Variants in MFHAS1 observed in about 807,000 individuals in gnomAD.
MFHAS1 encodes the protein multifunctional ROCO family signaling regulator 1, also known as malignant fibrous histiocytoma-amplified sequence 1.
MFHAS1 carries 50 observed loss-of-function variants against 70.4 expected under a neutral mutation model. That is an observed-to-expected ratio of 0.71 (90% confidence interval 0.57 to 0.90). The LOEUF (loss-of-function observed/expected upper bound fraction) is 0.90. Ranked by LOEUF, MFHAS1 falls within the 40% of genes least tolerant of loss-of-function variation. The pLI, the probability that MFHAS1 is intolerant of heterozygous loss-of-function variation, is 0.00. For missense variants in MFHAS1, 1,795 were observed against 1,347.6 expected, an observed-to-expected ratio of 1.33 and a Z score of -5.20; for synonymous variants, 952 against 620.0, an observed-to-expected ratio of 1.54 and a Z score of -7.96.
At position 8,788,592 on chromosome 8, in the gene MFHAS1, T is replaced by C. The variant is rs185551199; in HGVS notation, c.3126-2537A>G. ...TACTCGGGGGGCTGAGGCAGGATAA[T>C]TGCTTGAACCCAGGAGGCGGAGGGT... On this transcript the variant is annotated intron_variant, in intron 2 of 2. Transcript: ENST00000276282. Among the ~76,000 whole-genome samples the C allele has an allele frequency of 4.4e-3, 670 of 152,254 alleles. 4 individuals are homozygous for C. Among genetic ancestry groups the C allele is most frequent in the African/African-American group, 0.014 (594 of 41,540 alleles).
chr8:8,803,735 G>T (rs1314673186), intron 1 of MFHAS1, among the ~76,000 whole-genome samples: 11 of 151,942 alleles, frequency 7.2e-5, no homozygotes, highest in Non-Finnish European at 1.5e-4. Context: ...ACTTTGGGAG[G>T]CCGAGGCAGG....
In MFHAS1 at chr8:8,786,012, G is replaced by A; in HGVS notation, c.*10C>T. On this transcript the variant is annotated 3_prime_UTR_variant, in exon 3 of 3. Transcript: ENST00000276282. ...CTCTTTTCTCCATGGAAATTCCACA[G>A]CCACAAACGTCACTGGTTTCTGTGC... 2 of 1,613,976 alleles carry A rather than the reference G, an allele frequency of 1.2e-6. No homozygotes were observed. Among genetic ancestry groups the A allele is most frequent in the African/African-American group, 1.3e-5 (1 of 75,016 alleles).
intron 2 of MFHAS1, among the ~76,000 whole-genome samples, chr8:8,795,874 T>C (rs905200178): frequency 1.3e-5 from 2 of 152,202 alleles, no homozygotes; most frequent in African/African-American, 2.4e-5. Context: ...GATTCATACA[T>C]AATTTTTTCA....
chr8:8,850,704 G>A (rs1331195391), intron 1 of MFHAS1, among the ~76,000 whole-genome samples: 4 of 151,130 alleles, frequency 2.6e-5, no homozygotes, highest in East Asian at 1.9e-4. Flanking sequence ...GCTTGGTGGC[G>A]CACACCTATA....
At chr8:8,790,484 A>G (rs1195865712) in intron 2 of MFHAS1, 25 of 533,806 alleles carry the variant, frequency 4.7e-5, no homozygotes, top group Admixed American at 6.4e-5. Flanking sequence ...ACGGGAGACT[A>G]AATAATTAAA....
intron 1 of MFHAS1, among the ~76,000 whole-genome samples, chr8:8,878,671 G>GA (rs200980664): frequency 0.048 from 6,405 of 134,218 alleles, 207 homozygotes; most frequent in African/African-American, 0.082. Flanking sequence ...TTCAAAAAAA[G>GA]AAAAAAAAAA....
intron 1 of MFHAS1, among the ~76,000 whole-genome samples, chr8:8,813,745 A>G (rs144353047): frequency 8.5e-4 from 129 of 152,282 alleles, no homozygotes; most frequent in African/African-American, 3.0e-3. Context: ...ACAGTAAGCT[A>G]AGGTTAATTT....
intron 1 of MFHAS1, among the ~76,000 whole-genome samples, chr8:8,880,884 C>T (rs1303308426): frequency 2.0e-5 from 3 of 152,024 alleles, no homozygotes; most frequent in African/African-American, 7.3e-5. Context: ...GAGGGTTCAC[C>T]GCATTGGCCA....
intron 1 of MFHAS1, among the ~76,000 whole-genome samples, chr8:8,859,109 T>G (rs552834354): frequency 1.3e-5 from 2 of 152,260 alleles, no homozygotes; most frequent in South Asian, 4.1e-4. Context: ...TCCCAAAACT[T>G]TGGGAGGCTG....
At chr8:8,789,914 C>A (rs1189496201) in intron 2 of MFHAS1, among the ~76,000 whole-genome samples, 8 of 152,108 alleles carry the variant, frequency 5.3e-5, no homozygotes, top group Non-Finnish European at 2.9e-5. Flanking sequence ...CCTAGACCTG[C>A]CTACCCGGCC....
chr8:8,890,698 C>A lies in MFHAS1; in HGVS notation c.2361G>T (p.Gln787His). 1.9e-6 allele frequency: 3 copies of A among 1,613,608 alleles called. No homozygotes were observed. The South Asian group carries it at 3.3e-5, about 18-fold the overall frequency. Residue 787 changes from glutamine (Q) to histidine (H), a missense_variant, in exon 1 of 3, where the codon CAG (glutamine) becomes CAT (histidine). Gln to His is a conservative substitution (Grantham distance 24). Coordinates refer to ENST00000276282, the MANE Select transcript of MFHAS1 (RefSeq NM_004225.3). ...CATGCAACAGAAAGCCCTCCACATA[C>A]TGATGGAGCTGGGTGGCCCGGAGCA... ...QELLRATQLH[Q>H]YVEGFLLHGL...
chr8:8,884,691 A>G (rs749510398), intron 1 of MFHAS1, among the ~76,000 whole-genome samples: 2 of 152,202 alleles, frequency 1.3e-5, no homozygotes, highest in Admixed American at 6.5e-5. Flanking sequence ...CAGGCAGGGC[A>G]TGGTGGCTCA....
At chr8:8,800,842 TC>T (rs1806060463) in intron 1 of MFHAS1, among the ~76,000 whole-genome samples, 1 of 151,764 alleles carries the variant, frequency 6.6e-6, no homozygotes, top group Non-Finnish European at 1.5e-5. Flanking sequence ...TCAGCACCCA[TC>T]CCTGGCACCA....
intron 1 of MFHAS1, among the ~76,000 whole-genome samples, chr8:8,880,684 G>GTTT (rs869117025): frequency 8.7e-6 from 1 of 114,884 alleles, no homozygotes; most frequent in African/African-American, 4.5e-5. Context: ...TTCCTTTTTT[G>GTTT]TTTTTTTTTT....
chr8:8,831,030 C>G lies in MFHAS1; in HGVS notation c.2999-33539G>C, dbSNP rs117283005. ...AATGTAGTTTCTCACAGTCCAGAGGCTGGGAGGTCCAAGATCAGGGTGCCT... is the reference window on the plus strand; with the variant it reads ...AATGTAGTTTCTCACAGTCCAGAGGGTGGGAGGTCCAAGATCAGGGTGCCT... On this transcript the variant is annotated intron_variant, in intron 1 of 2. Coordinates refer to ENST00000276282, the MANE Select transcript of MFHAS1 (RefSeq NM_004225.3). Among the ~76,000 whole-genome samples the G allele has an allele frequency of 7.4e-4, 113 of 152,218 alleles. 1 individual carries two copies. The East Asian group carries it at 0.016, about 21-fold the overall frequency.
chr8:8,830,929 G>T (rs1477908447), intron 1 of MFHAS1, among the ~76,000 whole-genome samples: 2 of 152,148 alleles, frequency 1.3e-5, no homozygotes, highest in African/African-American at 4.8e-5. Flanking sequence ...TTCCTTTAAA[G>T]TCAGCTTGCT....
intron 1 of MFHAS1, among the ~76,000 whole-genome samples, chr8:8,799,091 CA>C (rs1806000329): frequency 6.6e-6 from 1 of 151,664 alleles, no homozygotes; most frequent in African/African-American, 2.4e-5. Flanking sequence ...CTAGAGACTC[CA>C]AAGAAGAGCA....
Position 8,860,156 on chromosome 8 carries a change from G to C in MFHAS1, c.2998+29905C>G, listed in dbSNP as rs545308773. On this transcript the variant is annotated intron_variant, in intron 1 of 2. Transcript: ENST00000276282. ...CATCAAGAGTCAAGGTACGGTCAGA[G>C]GGAGCACACGCAGGCCTGAGATTCC... is the stretch of plus-strand genomic sequence containing the variant. 24 of 152,310 alleles carry C rather than the reference G, an allele frequency of 1.6e-4. 1 individual carries two copies. Among genetic ancestry groups the C allele is most frequent in the African/African-American group, 4.3e-4 (18 of 41,580 alleles). 9.4% of individuals were successfully genotyped at this position (152,310 alleles called of 1,614,324 possible). A position where few individuals can be genotyped will look rare whatever the true frequency, so the allele number is the denominator to read the frequency against.
intron 1 of MFHAS1, among the ~76,000 whole-genome samples, chr8:8,875,653 C>T (rs758871323): frequency 2.2e-4 from 33 of 152,072 alleles, no homozygotes; most frequent in Non-Finnish European, 7.4e-5. Context: ...TACAGTGGCA[C>T]GATCTCAGCT....
Sources: allele counts gnomAD v4.1 joint callset (sites outside exome capture counted in the v4.1 genomes callset), GRCh38; gene constraint gnomAD v4.1.1; transcripts MANE v1.5; gene names NCBI Gene and HGNC (gene_info 2026-07-23, HGNC 2026-07-21).